INTS1: variants seen among roughly 807,000 people sequenced by gnomAD.
INTS1 encodes integrator complex subunit 1.
In INTS1, 137 loss-of-function variants were observed where a neutral mutation model predicts 241.6. The ratio of observed to expected loss-of-function variants is 0.57; its 90% confidence interval spans 0.49 to 0.65. The LOEUF (loss-of-function observed/expected upper bound fraction) is 0.65, where lower values mean the gene tolerates loss of function less well. Among genes scored for constraint, INTS1 ranks in the 30% least tolerant of loss-of-function variants. The probability of loss-of-function intolerance (pLI) is 0.00; values close to 1 mark genes in which losing one functional copy is unlikely to be tolerated. For missense variants in INTS1, 3,073 were observed against 3,032.2 expected (o/e 1.01, Z -0.32); for synonymous variants, 1,692 against 1,337.8 (o/e 1.26, Z -5.78).
rs1160109017 is a variant in INTS1, at chr7:1,500,386, C to T, written c.350-20G>A. The T allele has an allele frequency of 1.0e-5, 16 of 1,534,190 alleles. No individual in the cohort carries two copies. Among genetic ancestry groups the T allele is most frequent in the South Asian group, 2.4e-5 (2 of 83,794 alleles). On this transcript the variant is annotated intron_variant, in intron 3 of 47. Transcript: ENST00000404767. ...GCAGCACTGGCCGGGGCAGGCGGTACGGTCAGAACGGGGCCAGGGCAGGGT... is the reference window on the plus strand; with the variant it reads ...GCAGCACTGGCCGGGGCAGGCGGTATGGTCAGAACGGGGCCAGGGCAGGGT...
chr7:1,499,491 C>T lies in INTS1; in HGVS notation c.826G>A (p.Ala276Thr), dbSNP rs1163430577. The T allele has an allele frequency of 6.2e-7, 1 of 1,602,516 alleles. No individual in the cohort carries two copies. The highest frequency in any genetic ancestry group is 8.5e-7 in the Non-Finnish European group (1 of 1,174,804). Residue 276 changes from alanine (A) to threonine (T), a missense_variant, in exon 6 of 48, where the codon GCG (alanine) becomes ACG (threonine). Transcript: ENST00000404767. ...VLLQGEAGRV[A>T]GDLGAGSSPH... is the part of the protein sequence containing the mutation. ...GTCTCACCTGCACCCAGGTCGCCCG[C>T]AACGCGGCCCGCCTCCCCCTGCAGC...
At position 1,476,450 on chromosome 7, in the gene INTS1, C is replaced by A. The variant is rs1479888776; in HGVS notation, c.5157G>T (p.Arg1719=). 8.9e-6 allele frequency: 14 copies of A among 1,571,066 alleles called. No individual in the cohort carries two copies. The highest frequency in any genetic ancestry group is 1.2e-5 in the Non-Finnish European group (14 of 1,162,850). The change falls in exon 38 of 48, where the codon CGG becomes CGT. Residue 1719 remains arginine, a synonymous_variant. Coordinates refer to ENST00000404767, the MANE Select transcript of INTS1 (RefSeq NM_001080453.3). The stretch of plus-strand genomic sequence containing the variant: ...GGACCCGCAGCACCAGCTCCTCCCG[C>A]CGCTTCTGTAACGGGTGCCTGCATC... ...QGRDQRTPQK[R]REELVLRVQG...
In INTS1 at chr7:1,487,459, A is replaced by G. The variant is rs371567323; in HGVS notation, c.2517-10T>C. ...CCTCCGGGGGGGCCCCCTGAGGGCC[A>G]CAGGGGACACGGTGCGTCAGCACGC... is the stretch of plus-strand genomic sequence containing the variant. On this transcript the variant is annotated splice_polypyrimidine_tract_variant and intron_variant, in intron 19 of 47. Coordinates refer to ENST00000404767, the MANE Select transcript of INTS1 (RefSeq NM_001080453.3). 10 of 1,609,476 alleles carry G rather than the reference A, an allele frequency of 6.2e-6. No homozygotes were observed. Among genetic ancestry groups the G allele is most frequent in the African/African-American group, 1.3e-5 (1 of 74,862 alleles).
Position 1,473,275 on chromosome 7 carries a change from T to C in INTS1, c.5958-91A>G, listed in dbSNP as rs1434079563. On this transcript the variant is annotated intron_variant, in intron 42 of 47. Coordinates refer to ENST00000404767, the MANE Select transcript of INTS1 (RefSeq NM_001080453.3). ...CAAACTAGGGTGGCATGGGAGCGTG[T>C]GGACACAGGCATGCAGGAGAGGCCA... 6 of 784,676 alleles carry C rather than the reference T, an allele frequency of 7.6e-6. No individual in the cohort carries two copies. The East Asian group carries it at 1.6e-4, about 21-fold the overall frequency. The allele number at this position is 784,676 out of a possible 1,614,324, so 48.6% of individuals were successfully genotyped here. A position where few individuals can be genotyped will look rare whatever the true frequency, so the allele number is the denominator to read the frequency against.
intron 39 of INTS1, among the ~76,000 whole-genome samples, chr7:1,475,400 G>C (rs543708288): frequency 6.6e-6 from 1 of 152,110 alleles, no homozygotes; most frequent in Admixed American, 6.6e-5. Flanking sequence ...CCACAAAACT[G>C]CACATCAAGT....
At chr7:1,484,270 A>G (rs1385914946) in intron 24 of INTS1, 100 bp from the exon 25 acceptor site, 2 of 1,284,320 alleles carry the variant, frequency 1.6e-6, no homozygotes, top group Non-Finnish European at 2.1e-6. Context: ...TGGGATCTTA[A>G]GCAGGGCCCG....
intron 3 of INTS1, 95 bp downstream of exon 3, chr7:1,502,806 C>T (rs776992418): frequency 3.2e-5 from 43 of 1,363,392 alleles, no homozygotes; most frequent in East Asian, 2.1e-4. Context: ...CTCGGCCATA[C>T]GGGCAGCACT....
chr7:1,496,048 C>G, intron 12 of INTS1, 108 bp downstream of exon 12: 1 of 784,882 alleles, frequency 1.3e-6, no homozygotes, highest in Non-Finnish European at 2.1e-6. Flanking sequence ...GCTGCGGGAC[C>G]GCTCCTGCCG....
At chr7:1,487,130 G>T in intron 20 of INTS1, 29 bp from the exon 21 acceptor site, 4 of 1,537,352 alleles carry the variant, frequency 2.6e-6, no homozygotes, top group Non-Finnish European at 3.5e-6. Context: ...CGCCCGCTCA[G>T]CACCTTCCAG....
In INTS1 at chr7:1,486,954, C is replaced by G; in HGVS notation, c.2794G>C (p.Glu932Gln). The stretch of plus-strand genomic sequence containing the variant: ...TTCTTGGCCTTCTGCTCCTTGCTCT[C>G]GCCCTCGTCGTCCTCCTCCCCGGAA... ...AASGEEDDEG[E>Q]SKEQKAKKRQ... Residue 932 changes from glutamate (E) to glutamine (Q), a missense_variant, in exon 21 of 48, where the codon GAG becomes CAG. By Grantham distance (29) the Glu-to-Gln change is conservative (BLOSUM62 2). Coordinates refer to ENST00000404767, the MANE Select transcript of INTS1 (RefSeq NM_001080453.3). The G allele has an allele frequency of 6.2e-7, 1 of 1,607,242 alleles. No homozygotes were observed. The highest frequency in any genetic ancestry group is 8.5e-7 in the Non-Finnish European group (1 of 1,179,150).
At position 1,474,221 on chromosome 7, in the gene INTS1, C is replaced by T. The variant is rs746675569; in HGVS notation, c.5776G>A (p.Glu1926Lys). 6.3e-6 allele frequency: 10 copies of T among 1,595,856 alleles called. No individual in the cohort carries two copies. In the African/African-American group the frequency reaches 8.0e-5, roughly 13 times the overall value. The change falls in exon 41 of 48, where the codon GAG becomes AAG. Residue 1926 changes from glutamate (E) to lysine (K), a missense_variant. Transcript: ENST00000404767. ...ELLQPHVFRSEHQGALWDCLL... is the reference protein window; with the variant it reads ...ELLQPHVFRSKHQGALWDCLL... ...CAGTCCCACAGCGCCCCCTGGTGCT[C>T]GCTGCGGAACACGTGCGGCTGCAGC... is the stretch of plus-strand genomic sequence containing the variant.
At position 1,478,889 on chromosome 7, in the gene INTS1, C is replaced by A. The variant is rs373660736; in HGVS notation, c.4330-4G>T. On this transcript the variant is annotated splice_region_variant and splice_polypyrimidine_tract_variant and intron_variant, in intron 31 of 47. Coordinates refer to ENST00000404767, the MANE Select transcript of INTS1 (RefSeq NM_001080453.3). ...CGGTGTCCTGTGGCACACAGCGCTG[C>A]GGGGACAAAGTGGCACGTGGCTACC... 161 of 1,595,714 alleles carry A rather than the reference C, an allele frequency of 1.0e-4. No homozygotes were observed. Among genetic ancestry groups the A allele is most frequent in the Non-Finnish European group, 1.2e-4 (140 of 1,167,096 alleles).
chr7:1,494,556 C>G (rs1010080423), intron 14 of INTS1: 2 of 556,884 alleles, frequency 3.6e-6, no homozygotes, highest in Non-Finnish European at 6.5e-6. Flanking sequence ...AACTGGAAGG[C>G]GGGGGTCCGG....
intron 45 of INTS1, 99 bp downstream of exon 45, chr7:1,471,471 TG>T: frequency 7.5e-7 from 1 of 1,342,094 alleles, no homozygotes; most frequent in Non-Finnish European, 1.1e-6. Flanking sequence ...GAGGACTCCC[TG>T]GGGCTCAGCG....
chr7:1,498,840 C>T lies in INTS1; in HGVS notation c.1150G>A (p.Ala384Thr), dbSNP rs749762130. 1.2e-6 allele frequency: 2 copies of T among 1,604,176 alleles called. No homozygotes were observed. Among genetic ancestry groups the T allele is most frequent in the Non-Finnish European group, 8.5e-7 (1 of 1,176,142 alleles). The stretch of plus-strand genomic sequence containing the variant: ...CAGACGGACATCAGCAGGTCCTGGG[C>T]CGGCCGGGTCAGCTGCGGGGCCGAG... ...WLQNPKLTRPAQDLLMSVCMN... is the reference protein window; with the variant it reads ...WLQNPKLTRPTQDLLMSVCMN... The change falls in exon 9 of 48, where the codon GCC becomes ACC. Residue 384 changes from alanine to threonine, a missense_variant. Physicochemically the swap from Ala to Thr is moderately conservative, Grantham distance 58. Coordinates refer to ENST00000404767, the MANE Select transcript of INTS1 (RefSeq NM_001080453.3).
At chr7:1,477,996 G>A in intron 33 of INTS1, 60 bp from the exon 34 acceptor site, 1 of 1,432,998 alleles carries the variant, frequency 7.0e-7, no homozygotes, top group South Asian at 1.2e-5. Context: ...GCCGCTGAGT[G>A]GGTGTGGGCT....
At chr7:1,479,789 A>C in intron 30 of INTS1, 105 bp from the exon 31 acceptor site, 2 of 1,236,320 alleles carry the variant, frequency 1.6e-6, no homozygotes, top group South Asian at 3.3e-5. Context: ...ACCGCGTCCC[A>C]TCGTGTCCCT....
At chr7:1,503,594 C>A (rs574698840) in intron 2 of INTS1, among the ~76,000 whole-genome samples, 2 of 152,232 alleles carry the variant, frequency 1.3e-5, no homozygotes, top group East Asian at 3.8e-4. Flanking sequence ...CCGCAGACCC[C>A]GTGCTACGCT....
At chr7:1,472,022 C>T (rs10256750) in intron 44 of INTS1, among the ~76,000 whole-genome samples, 3,412 of 152,306 alleles carry the variant, frequency 0.022, 124 homozygotes, top group African/African-American at 0.077. Flanking sequence ...GTACCCCCAC[C>T]ACCTTAGGGG....
Sources: allele counts gnomAD v4.1 joint callset (sites outside exome capture counted in the v4.1 genomes callset), GRCh38; gene constraint gnomAD v4.1.1; transcripts MANE v1.5; gene names NCBI Gene and HGNC (gene_info 2026-07-23, HGNC 2026-07-21).